Variants in FZD3 observed in about 807,000 individuals in gnomAD.
FZD3 encodes the protein frizzled-3.
A neutral mutation model predicts 60.7 loss-of-function variants in FZD3; 30 were observed. That is an observed-to-expected ratio of 0.49 (90% CI 0.37 to 0.67). The LOEUF (loss-of-function observed/expected upper bound fraction) is 0.67, where lower values mean the gene tolerates loss of function less well. Among genes scored for constraint, FZD3 ranks in the 30% least tolerant of loss-of-function variants. The pLI is 0.00. For synonymous variants in FZD3, 246 were observed against 275.2 expected, an observed-to-expected ratio of 0.89 and a Z score of 1.05; for missense variants, 605 against 838.7, an observed-to-expected ratio of 0.72 and a Z score of 3.44.
intron 5 of FZD3, among the ~76,000 whole-genome samples, chr8:28,531,709 G>C (rs182724824): frequency 1.2e-4 from 19 of 152,002 alleles, no homozygotes; most frequent in Non-Finnish European, 1.5e-4. Flanking sequence ...ATGTGTTTTC[G>C]TATGTTTATT....
At chr8:28,536,116 A>T (rs1805005341) in intron 5 of FZD3, among the ~76,000 whole-genome samples, 1 of 152,180 alleles carries the variant, frequency 6.6e-6, no homozygotes, top group Admixed American at 6.5e-5. Context: ...TTCGATATTA[A>T]CTCCTGTTAT....
At chr8:28,515,391 A>G (rs1337857141) in intron 3 of FZD3, among the ~76,000 whole-genome samples, 1 of 152,208 alleles carries the variant, frequency 6.6e-6, no homozygotes, top group Non-Finnish European at 1.5e-5. Flanking sequence ...AACGAAAGGA[A>G]GTAAAGTACA....
intron 5 of FZD3, among the ~76,000 whole-genome samples, chr8:28,532,526 G>A (rs1291111729): frequency 2.6e-5 from 4 of 151,786 alleles, no homozygotes; most frequent in East Asian, 1.9e-4. Context: ...TCCCAGGCTC[G>A]AGTGATCCTC....
At chr8:28,541,302 G>A (rs185913541) in intron 5 of FZD3, among the ~76,000 whole-genome samples, 2 of 152,308 alleles carry the variant, frequency 1.3e-5, no homozygotes, top group African/African-American at 4.8e-5. Flanking sequence ...TCCCTGCCAT[G>A]GGCAGTGCTG....
chr8:28,549,552 A>C (rs544836436), intron 5 of FZD3, among the ~76,000 whole-genome samples: 4 of 152,064 alleles, frequency 2.6e-5, no homozygotes, highest in African/African-American at 9.7e-5. Flanking sequence ...AGTTTTTATA[A>C]GCTTTATTTC....
intron 5 of FZD3, among the ~76,000 whole-genome samples, chr8:28,539,726 A>G (rs1048040752): frequency 1.3e-5 from 2 of 152,160 alleles, no homozygotes; most frequent in African/African-American, 4.8e-5. Flanking sequence ...AGCAAACCCA[A>G]TGCAATATGT....
At chr8:28,525,074 G>A (rs983193941) in intron 4 of FZD3, among the ~76,000 whole-genome samples, 3 of 151,854 alleles carry the variant, frequency 2.0e-5, no homozygotes, top group Non-Finnish European at 4.4e-5. Flanking sequence ...TTTTTGCCCC[G>A]CTCAAGTCTG....
rs1187807132 is a variant in FZD3 at position 28,568,109 on chromosome 8, G to T, written c.*5098G>T. On this transcript the variant is annotated 3_prime_UTR_variant, in exon 8 of 8. Transcript: ENST00000240093. The stretch of plus-strand genomic sequence containing the variant: ...TTATAATTTTTTTAAAGTATGTAAA[G>T]TAAGGATTTTTTCTCCATTCTTCAC... The T allele has an allele frequency of 6.6e-6, 1 of 152,130 alleles. No individual in the cohort carries two copies. The highest frequency in any genetic ancestry group is 1.5e-5 in the Non-Finnish European group (1 of 68,002). 9.4% of individuals were successfully genotyped at this position (152,130 alleles called of 1,614,324 possible).
intron 7 of FZD3, among the ~76,000 whole-genome samples, chr8:28,556,777 G>T (rs908497881): frequency 9.9e-5 from 15 of 151,334 alleles, no homozygotes; most frequent in Non-Finnish European, 1.9e-4. Context: ...TGGCCAGCAG[G>T]CCTTAGTTTG....
At chr8:28,553,028 A>G (rs1046306345) in intron 6 of FZD3, among the ~76,000 whole-genome samples, 4 of 152,230 alleles carry the variant, frequency 2.6e-5, no homozygotes, top group East Asian at 1.9e-4. Flanking sequence ...ACCATTTTAT[A>G]TAAGGGACTT....
chr8:28,495,248 G>A (rs1043543417), intron 1 of FZD3, among the ~76,000 whole-genome samples: 1 of 152,178 alleles, frequency 6.6e-6, no homozygotes, highest in Non-Finnish European at 1.5e-5. Context: ...CAGAGGAGTA[G>A]ATTTCAGATT....
In FZD3 at chr8:28,494,350, C is replaced by G. The variant is rs1438169977; in HGVS notation, c.-391+7C>G. The G allele has an allele frequency of 2.0e-5, 3 of 151,882 alleles. No homozygotes were observed. Among genetic ancestry groups the G allele is most frequent in the Non-Finnish European group, 4.4e-5 (3 of 68,046 alleles). The allele number at this position is 151,882 out of a possible 1,614,324, so 9.4% of individuals were successfully genotyped here. A position where few individuals can be genotyped will look rare whatever the true frequency, so the allele number is the denominator to read the frequency against. The stretch of plus-strand genomic sequence containing the variant: ...CCAGGCGCCGGGGTCTGAGGTGAGC[C>G]CCGCGAAGCGTGTGGGCCCCTGGGC... On this transcript the variant is annotated splice_region_variant and intron_variant, in intron 1 of 7. Coordinates refer to ENST00000240093, the MANE Select transcript of FZD3 (RefSeq NM_017412.4).
chr8:28,554,293 T>C (rs1188143615), intron 6 of FZD3, among the ~76,000 whole-genome samples: 1 of 152,230 alleles, frequency 6.6e-6, no homozygotes, highest in East Asian at 1.9e-4. Context: ...AAGTCAGTTT[T>C]AACCAAGTTT....
chr8:28,566,312 A>G lies in FZD3; in HGVS notation c.*3301A>G, dbSNP rs1237745989. The stretch of plus-strand genomic sequence containing the variant: ...ATCACTATTATAATTAAAGAAATAT[A>G]TGTACAGACATGTACCAATCCTTTT... On this transcript the variant is annotated 3_prime_UTR_variant, in exon 8 of 8. Transcript: ENST00000240093. 1.3e-5 allele frequency: 2 copies of G among 152,212 alleles called. No homozygotes were observed. Among genetic ancestry groups the G allele is most frequent in the South Asian group, 2.1e-4 (1 of 4,838 alleles). 9.4% of individuals were successfully genotyped at this position (152,212 alleles called of 1,614,324 possible).
At chr8:28,521,137 A>G (rs1804568771) in intron 4 of FZD3, among the ~76,000 whole-genome samples, 1 of 152,170 alleles carries the variant, frequency 6.6e-6, no homozygotes, top group Non-Finnish European at 1.5e-5. Flanking sequence ...TATTTGTGAA[A>G]AATTATACGG....
At chr8:28,562,193 G>A (rs2130477180) in intron 7 of FZD3, among the ~76,000 whole-genome samples, 1 of 152,278 alleles carries the variant, frequency 6.6e-6, no homozygotes, top group Non-Finnish European at 1.5e-5. Context: ...ACAGCCTCAA[G>A]CCCTGATGAG....
intron 1 of FZD3, among the ~76,000 whole-genome samples, chr8:28,499,362 G>C (rs900083109): frequency 6.6e-6 from 1 of 151,852 alleles, no homozygotes; most frequent in Non-Finnish European, 1.5e-5. Flanking sequence ...ATCATTTTTA[G>C]TAACTATATA....
Position 28,555,805 on chromosome 8 carries a change from A to G in FZD3, c.1621A>G (p.Asn541Asp). The change falls in exon 7 of 8, where the codon AAT becomes GAT. Residue 541 changes from asparagine to aspartate, a missense_variant. Transcript: ENST00000240093. ...TGCTCAGTCTCTCCTGAGGGATCCA[A>G]ATACTCCTATCATAAGAAAGTCAAG... is the stretch of plus-strand genomic sequence containing the variant. ...DFAQSLLRDP[N>D]TPIIRKSRGT... 1.2e-6 allele frequency: 2 copies of G among 1,613,924 alleles called. No individual in the cohort carries two copies. Among genetic ancestry groups the G allele is most frequent in the Non-Finnish European group, 1.7e-6 (2 of 1,179,768 alleles).
At chr8:28,532,269 T>TC (rs1804896338) in intron 5 of FZD3, among the ~76,000 whole-genome samples, 2 of 152,208 alleles carry the variant, frequency 1.3e-5, no homozygotes, top group African/African-American at 2.4e-5. Context: ...AAATCAATTT[T>TC]CCATGAAAAA....
Sources: gnomAD v4.1 joint callset for allele counts (sites outside exome capture counted in the v4.1 genomes callset) on GRCh38, gnomAD v4.1.1 for gene constraint, MANE v1.5 for transcripts, NCBI Gene and HGNC (gene_info 2026-07-23, HGNC 2026-07-21) for gene names.